GPC5: variants seen among roughly 807,000 people sequenced by gnomAD.
GPC5 encodes glypican-5.
Under a neutral mutation model 53.9 loss-of-function variants are expected in GPC5, and 47 were observed. That is an observed-to-expected ratio of 0.87 (90% CI 0.69 to 1.11). The LOEUF is 1.11. Among genes scored for constraint, GPC5 ranks in the 50% most tolerant of loss-of-function variants. The probability of loss-of-function intolerance (pLI) is 0.00; values close to 1 mark genes in which losing one functional copy is unlikely to be tolerated. For missense variants in GPC5, 748 were observed against 713.1 expected, an observed-to-expected ratio of 1.05 and a Z score of -0.56; for synonymous variants, 286 against 263.3, an observed-to-expected ratio of 1.09 and a Z score of -0.84.
chr13:91,596,246 T>C (rs562419548), intron 2 of GPC5, among the ~76,000 whole-genome samples: 1 of 152,336 alleles, frequency 6.6e-6, no homozygotes, highest in East Asian at 1.9e-4. Flanking sequence ...TGTTGTCTTA[T>C]ATTAAAGTAT....
chr13:91,989,492 C>T (rs2040437919), intron 6 of GPC5, among the ~76,000 whole-genome samples: 1 of 152,100 alleles, frequency 6.6e-6, no homozygotes, highest in Admixed American at 6.5e-5. Context: ...ACTGTATAAC[C>T]ACATGCTAAA....
At chr13:92,288,950 A>G (rs1421696088) in intron 7 of GPC5, among the ~76,000 whole-genome samples, 1 of 152,166 alleles carries the variant, frequency 6.6e-6, no homozygotes, top group Non-Finnish European at 1.5e-5. Flanking sequence ...TCGTTGAACC[A>G]TTACTACCAA....
chr13:92,404,381 G>A (rs1875702285), intron 7 of GPC5, among the ~76,000 whole-genome samples: 1 of 152,164 alleles, frequency 6.6e-6, no homozygotes. Context: ...ATAAAAAGTT[G>A]TTGAAAGACA....
intron 7 of GPC5, among the ~76,000 whole-genome samples, chr13:92,278,190 T>G (rs2042889417): frequency 6.6e-6 from 1 of 151,892 alleles, no homozygotes; most frequent in Admixed American, 6.6e-5. Flanking sequence ...AAACAAAGTG[T>G]GGTCTACATA....
chr13:92,238,781 C>CTTT (rs71120078), intron 7 of GPC5, among the ~76,000 whole-genome samples: 1 of 151,524 alleles, frequency 6.6e-6, no homozygotes, highest in African/African-American at 2.4e-5. Flanking sequence ...TTCAATTTAT[C>CTTT]TTTTTTTATT....
At chr13:92,283,304 C>T (rs558546212) in intron 7 of GPC5, among the ~76,000 whole-genome samples, 14 of 152,276 alleles carry the variant, frequency 9.2e-5, no homozygotes, top group African/African-American at 2.9e-4. Context: ...GAGACTTTAA[C>T]ACCCCACTGT....
chr13:92,303,466 A>G (rs1485128808), intron 7 of GPC5, among the ~76,000 whole-genome samples: 2 of 152,104 alleles, frequency 1.3e-5, no homozygotes, highest in Non-Finnish European at 2.9e-5. Flanking sequence ...GTAATTGAAA[A>G]AAAAAATGGT....
intron 7 of GPC5, among the ~76,000 whole-genome samples, chr13:92,604,067 A>G (rs1473114436): frequency 6.6e-6 from 1 of 152,234 alleles, no homozygotes; most frequent in African/African-American, 2.4e-5. Flanking sequence ...TCTCTACCTC[A>G]TGTAAGATAC....
intron 7 of GPC5, among the ~76,000 whole-genome samples, chr13:92,742,695 C>T (rs1795707904): frequency 6.6e-6 from 1 of 152,018 alleles, no homozygotes; most frequent in African/African-American, 2.4e-5. Flanking sequence ...GGTTTTCTTC[C>T]AGGGTTTTTA....
intron 7 of GPC5, among the ~76,000 whole-genome samples, chr13:92,769,719 T>A (rs72641100): frequency 6.6e-6 from 1 of 152,296 alleles, no homozygotes; most frequent in East Asian, 1.9e-4. Flanking sequence ...GTATTTACAT[T>A]ATTTTATAGA....
chr13:91,408,724 T>A (rs1050849767), intron 1 of GPC5, among the ~76,000 whole-genome samples: 58 of 152,314 alleles, frequency 3.8e-4, no homozygotes, highest in African/African-American at 1.4e-3. Flanking sequence ...ACTTAAATTG[T>A]TTATTACTCT....
chr13:92,387,410 G>A (rs778055497), intron 7 of GPC5, among the ~76,000 whole-genome samples: 7 of 151,976 alleles, frequency 4.6e-5, no homozygotes, highest in Non-Finnish European at 1.0e-4. Context: ...TAACCTCATC[G>A]TAAGTTGAGG....
chr13:92,585,104 G>A (rs184326353), intron 7 of GPC5, among the ~76,000 whole-genome samples: 7 of 152,202 alleles, frequency 4.6e-5, no homozygotes, highest in African/African-American at 9.6e-5. Context: ...GTCCCTCCTG[G>A]GGCACCATCT....
intron 7 of GPC5, among the ~76,000 whole-genome samples, chr13:92,246,463 G>A (rs2139122800): frequency 6.6e-6 from 1 of 152,204 alleles, no homozygotes; most frequent in Non-Finnish European, 1.5e-5. Context: ...TTGGAATTCA[G>A]TTGTAAAGAC....
intron 6 of GPC5, among the ~76,000 whole-genome samples, chr13:91,934,876 CA>C (rs1475406414): frequency 6.6e-6 from 1 of 151,928 alleles, no homozygotes; most frequent in Non-Finnish European, 1.5e-5. Flanking sequence ...ACAAGACATT[CA>C]GTCTTCTCTC....
At chr13:92,134,546 A>G (rs1427815241) in intron 6 of GPC5, among the ~76,000 whole-genome samples, 6 of 152,146 alleles carry the variant, frequency 3.9e-5, no homozygotes, top group Non-Finnish European at 5.9e-5. Context: ...GAGAAACCAC[A>G]CTATAAATAT....
chr13:91,878,503 A>G (rs1383521969), intron 5 of GPC5, among the ~76,000 whole-genome samples: 5 of 152,140 alleles, frequency 3.3e-5, no homozygotes, highest in Non-Finnish European at 7.4e-5. Context: ...ATTGAGTGAT[A>G]TGGTTTGGCT....
At chr13:92,615,707 G>A (rs938609185) in intron 7 of GPC5, among the ~76,000 whole-genome samples, 5 of 152,024 alleles carry the variant, frequency 3.3e-5, no homozygotes, top group African/African-American at 1.2e-4. Flanking sequence ...TCCAAGAAGG[G>A]GTATAAAGGC....
chr13:92,830,065 T>G (rs536153135), intron 7 of GPC5, among the ~76,000 whole-genome samples: 1 of 152,118 alleles, frequency 6.6e-6, no homozygotes, highest in African/African-American at 2.4e-5. Context: ...ACTGAGACTT[T>G]CATGACCTCA....
Sources: gnomAD v4.1 joint callset for allele counts (sites outside exome capture counted in the v4.1 genomes callset) on GRCh38, gnomAD v4.1.1 for gene constraint, MANE v1.5 for transcripts, NCBI Gene and HGNC (gene_info 2026-07-23, HGNC 2026-07-21) for gene names.